The following IGSF3 variants were observed in gnomAD, a reference collection of about 807,000 sequenced individuals.
The protein encoded by IGSF3 is immunoglobulin superfamily member 3.
Under a neutral mutation model 114.4 loss-of-function variants are expected in IGSF3, and 23 were observed. The observed-to-expected ratio is 0.20, with a 90% CI of 0.14 to 0.28. IGSF3 has a LOEUF of 0.28. Among genes scored for constraint, IGSF3 ranks in the 10% least tolerant of loss-of-function variants. The pLI, the probability that IGSF3 is intolerant of heterozygous loss-of-function variation, is 1.00. For missense variants in IGSF3, 1,172 were observed against 1,591.5 expected (o/e 0.74, Z 4.48); for synonymous variants, 571 against 645.2 (o/e 0.88, Z 1.74).
At position 116,612,626 on chromosome 1, in the gene IGSF3, CAGGTCCTGACGA is replaced by C. The variant is rs1661065853; in HGVS notation, c.832+1127_832+1138del. ...CAAATGGAACAGGGAGCCCAAGAGA[CAGGTCCTGACGA>C]AGGACCCCACCTGTACTGCAACTCA... On this transcript the variant is annotated intron_variant, in intron 4 of 10. Coordinates refer to ENST00000369486, the MANE Select transcript of IGSF3 (RefSeq NM_001007237.3). This position sits in a 1 kb window ranked among gnomAD's most constrained non-coding sequence, Gnocchi z 4.1. Among the ~76,000 whole-genome samples the C allele has an allele frequency of 6.6e-6, 1 of 152,364 alleles. No individual in the cohort carries two copies. Among genetic ancestry groups the C allele is most frequent in the African/African-American group, 2.4e-5 (1 of 41,580 alleles).
rs1165313452 is a variant in IGSF3, at chr1:116,618,188, C to A, written c.44-1731G>T. Among the ~76,000 whole-genome samples the A allele has an allele frequency of 6.6e-6, 1 of 152,200 alleles. No individual in the cohort carries two copies. Among genetic ancestry groups the A allele is most frequent in the Admixed American group, 6.5e-5 (1 of 15,284 alleles). On this transcript the variant is annotated intron_variant, in intron 2 of 10. Coordinates refer to ENST00000369486, the MANE Select transcript of IGSF3 (RefSeq NM_001007237.3). This position sits in a 1 kb window ranked among gnomAD's most constrained non-coding sequence, Gnocchi z 4.7. ...CTTTCCTCACAAACAAAATCTTACA[C>A]AGAACCCCATCTTGGCTTCAGCAGA...
chr1:116,589,878 A>C lies in IGSF3; in HGVS notation c.2030-774T>G, dbSNP rs1660024020. ...GGGGATGCCCTGAAGAGTAAGCCGG[A>C]GTCCCAGCCCTCATGGGGTGGACTG... On this transcript the variant is annotated intron_variant, in intron 7 of 10. Transcript: ENST00000369486. The surrounding 1 kb of genome is among the most constrained non-coding windows in gnomAD (Gnocchi z 5.7). Among the ~76,000 whole-genome samples the C allele has an allele frequency of 6.6e-6, 1 of 152,170 alleles. No individual in the cohort carries two copies. Among genetic ancestry groups the C allele is most frequent in the Non-Finnish European group, 1.5e-5 (1 of 68,034 alleles).
chr1:116,623,877 G>A (rs1263541340), intron 2 of IGSF3, among the ~76,000 whole-genome samples: 1 of 151,096 alleles, frequency 6.6e-6, no homozygotes, highest in Non-Finnish European at 1.5e-5. Context: ...CCTGAGGTCA[G>A]GAGTTCGAGA....
In IGSF3 at chr1:116,618,473, T is replaced by C. The variant is rs1285436274; in HGVS notation, c.44-2016A>G. On this transcript the variant is annotated intron_variant, in intron 2 of 10. Coordinates refer to ENST00000369486, the MANE Select transcript of IGSF3 (RefSeq NM_001007237.3). The surrounding 1 kb of genome is among the most constrained non-coding windows in gnomAD (Gnocchi z 4.7). ...CTGTAAGATTATAATGGAGCATATA[T>C]AGAGATCTAATATATGGCACTTAAT... Among the ~76,000 whole-genome samples, 2 of 152,212 alleles carry C rather than the reference T, an allele frequency of 1.3e-5. No individual in the cohort carries two copies. Among genetic ancestry groups the C allele is most frequent in the Admixed American group, 1.3e-4 (2 of 15,282 alleles).
intron 2 of IGSF3, among the ~76,000 whole-genome samples, chr1:116,645,309 T>C (rs1417783065): frequency 6.6e-6 from 1 of 152,122 alleles, no homozygotes; most frequent in Non-Finnish European, 1.5e-5. Flanking sequence ...AGTGCAAAAC[T>C]GTAGTGGCAG....
Position 116,577,513 on chromosome 1 carries a change from G to A in IGSF3, c.3384C>T (p.Phe1128=), listed in dbSNP as rs771946733. 4.3e-5 allele frequency: 69 copies of A among 1,613,946 alleles called. No homozygotes were observed. Among genetic ancestry groups the A allele is most frequent in the African/African-American group, 6.7e-5 (5 of 74,910 alleles). ...AGATGGGGAAAGGGTAGAAGAAGAC[G>A]AAGTAGAAGAGTGCGTCGTTGGAGC... The part of the protein sequence containing the change: ...IICSNDALFY[F]VFFYPFPIFG... The change falls in exon 11 of 11, where the codon TTC becomes TTT. Residue 1128 remains phenylalanine (F), a synonymous_variant. Coordinates refer to ENST00000369486, the MANE Select transcript of IGSF3 (RefSeq NM_001007237.3). The surrounding 1 kb of genome is among the most constrained non-coding windows in gnomAD (Gnocchi z 5.7).
chr1:116,627,604 G>A lies in IGSF3; in HGVS notation c.44-11147C>T, dbSNP rs1026129988. Among the ~76,000 whole-genome samples, 15 of 152,222 alleles carry A rather than the reference G, an allele frequency of 9.9e-5. No individual in the cohort carries two copies. The highest frequency in any genetic ancestry group is 2.2e-4 in the African/African-American group (9 of 41,460). On this transcript the variant is annotated intron_variant, in intron 2 of 10. Transcript: ENST00000369486. The surrounding 1 kb of genome is among the most constrained non-coding windows in gnomAD (Gnocchi z 4.7). Reference sequence around the variant, plus strand: ...GCCCTGCTGACAACAGGCCGGGAGCGCATCTGCAGGCAGCGTCAGGATGTC... The same window carrying A: ...GCCCTGCTGACAACAGGCCGGGAGCACATCTGCAGGCAGCGTCAGGATGTC...
At position 116,614,263 on chromosome 1, in the gene IGSF3, C is replaced by A. The variant is rs1406119685; in HGVS notation, c.422-88G>T. The stretch of plus-strand genomic sequence containing the variant: ...CTAAGCTCCCATTCCACGCAGGCGT[C>A]ACTGCACTGCGCCCCTAACAGTCAT... On this transcript the variant is annotated intron_variant, in intron 3 of 10. Coordinates refer to ENST00000369486, the MANE Select transcript of IGSF3 (RefSeq NM_001007237.3). The surrounding 1 kb of genome is among the most constrained non-coding windows in gnomAD (Gnocchi z 4.5). The A allele has an allele frequency of 2.5e-5, 26 of 1,043,716 alleles. No individual in the cohort carries two copies. Among genetic ancestry groups the A allele is most frequent in the Non-Finnish European group, 3.3e-5 (23 of 689,186 alleles). 64.7% of individuals were successfully genotyped at this position (1,043,716 alleles called of 1,614,324 possible). A position where few individuals can be genotyped will look rare whatever the true frequency, so the allele number is the denominator to read the frequency against.
chr1:116,592,463 A>G lies in IGSF3; in HGVS notation c.2030-3359T>C, dbSNP rs1660156146. On this transcript the variant is annotated intron_variant, in intron 7 of 10. Coordinates refer to ENST00000369486, the MANE Select transcript of IGSF3 (RefSeq NM_001007237.3). The surrounding 1 kb of genome is among the most constrained non-coding windows in gnomAD (Gnocchi z 4.5). The stretch of plus-strand genomic sequence containing the variant: ...AGTGGCCCTTTCTTTCTGCAACTGG[A>G]GAGTTTCCTTCCCAGGCTTGTGATT... Among the ~76,000 whole-genome samples, 3 of 152,152 alleles carry G rather than the reference A, an allele frequency of 2.0e-5. No homozygotes were observed. Among genetic ancestry groups the G allele is most frequent in the African/African-American group, 7.2e-5 (3 of 41,434 alleles).
rs889698004 is a variant in IGSF3, at chr1:116,650,591, G to A, written c.43+15693C>T. Among the ~76,000 whole-genome samples, 2 of 152,068 alleles carry A rather than the reference G, an allele frequency of 1.3e-5. No individual in the cohort carries two copies. The highest frequency in any genetic ancestry group is 4.8e-5 in the African/African-American group (2 of 41,402). On this transcript the variant is annotated intron_variant, in intron 2 of 10. Coordinates refer to ENST00000369486, the MANE Select transcript of IGSF3 (RefSeq NM_001007237.3). This position sits in a 1 kb window ranked among gnomAD's most constrained non-coding sequence, Gnocchi z 5.0. Reference sequence around the variant, plus strand: ...GAGAGGTGTGGCATCCAACCCAACTGGGTCCTGCCAACAGGAAGAGAAAAG... The same window carrying A: ...GAGAGGTGTGGCATCCAACCCAACTAGGTCCTGCCAACAGGAAGAGAAAAG...
Position 116,585,933 on chromosome 1 carries a change from T to C in IGSF3, c.2441-881A>G, listed in dbSNP as rs964994404. 2.0e-5 allele frequency among the ~76,000 whole-genome samples: 3 copies of C among 152,168 alleles called. No homozygotes were observed. Among genetic ancestry groups the C allele is most frequent in the Admixed American group, 6.5e-5 (1 of 15,276 alleles). ...AAGAAAAAGAAAAGATTGCTACTGA[T>C]GGAACTGGGTGCTTTGAAAACTCAG... On this transcript the variant is annotated intron_variant, in intron 8 of 10. Transcript: ENST00000369486. The surrounding 1 kb of genome is among the most constrained non-coding windows in gnomAD (Gnocchi z 4.9).
At chr1:116,586,475 G>C (rs1422713653) in intron 8 of IGSF3, among the ~76,000 whole-genome samples, 3 of 152,078 alleles carry the variant, frequency 2.0e-5, no homozygotes, top group African/African-American at 7.2e-5. Flanking sequence ...TAGAAGCAGA[G>C]AAAAAAGAAG....
intron 2 of IGSF3, among the ~76,000 whole-genome samples, chr1:116,630,440 T>A (rs1288810328): frequency 6.6e-6 from 1 of 152,234 alleles, no homozygotes; most frequent in Non-Finnish European, 1.5e-5. Context: ...CTTCTTACTT[T>A]AATCTCACAG....
At position 116,665,122 on chromosome 1, in the gene IGSF3, A is replaced by G. The variant is rs1275801077; in HGVS notation, c.43+1162T>C. Among the ~76,000 whole-genome samples, 1 of 152,126 alleles carries G rather than the reference A, an allele frequency of 6.6e-6. No individual in the cohort carries two copies. The highest frequency in any genetic ancestry group is 1.5e-5 in the Non-Finnish European group (1 of 68,032). ...TCCCTTGTTTTATTGTTTCTGTTTT[A>G]TTGACATTCAGATGTCAATCATGGT... On this transcript the variant is annotated intron_variant, in intron 2 of 10. Coordinates refer to ENST00000369486, the MANE Select transcript of IGSF3 (RefSeq NM_001007237.3). This position sits in a 1 kb window ranked among gnomAD's most constrained non-coding sequence, Gnocchi z 4.0.
chr1:116,605,963 T>G lies in IGSF3; in HGVS notation c.1223-1938A>C, dbSNP rs973355057. Among the ~76,000 whole-genome samples the G allele has an allele frequency of 1.3e-5, 2 of 152,198 alleles. No individual in the cohort carries two copies. Among genetic ancestry groups the G allele is most frequent in the African/African-American group, 4.8e-5 (2 of 41,454 alleles). ...TGAGCAAGCCTGGAAACCCACATAG[T>G]TAGAATGTGGGGCTACAAGAAGAAA... On this transcript the variant is annotated intron_variant, in intron 5 of 10. Coordinates refer to ENST00000369486, the MANE Select transcript of IGSF3 (RefSeq NM_001007237.3). This position sits in a 1 kb window ranked among gnomAD's most constrained non-coding sequence, Gnocchi z 5.1.
rs1648762630 is a variant in IGSF3, at chr1:116,654,461, A to T, written c.43+11823T>A. On this transcript the variant is annotated intron_variant, in intron 2 of 10. Coordinates refer to ENST00000369486, the MANE Select transcript of IGSF3 (RefSeq NM_001007237.3). The surrounding 1 kb of genome is among the most constrained non-coding windows in gnomAD (Gnocchi z 4.4). ...GGAGAGGGCATCTGGCAAGGAACAG[A>T]CCTGGAAGAGCCTGCCCTTCATCGA... is the stretch of plus-strand genomic sequence containing the variant. 1.3e-5 allele frequency among the ~76,000 whole-genome samples: 2 copies of T among 152,178 alleles called. No individual in the cohort carries two copies. Among genetic ancestry groups the T allele is most frequent in the Admixed American group, 1.3e-4 (2 of 15,290 alleles).
Position 116,627,775 on chromosome 1 carries a change from AAC to A in IGSF3, c.44-11320_44-11319del, listed in dbSNP as rs1386121194. Among the ~76,000 whole-genome samples, 1 of 152,150 alleles carries A rather than the reference AAC, an allele frequency of 6.6e-6. No homozygotes were observed. The highest frequency in any genetic ancestry group is 1.5e-5 in the Non-Finnish European group (1 of 68,010). ...GATAAGTCAGTCTGCTGTGTCCTTC[AAC>A]ACAGTGTCCCCACCTTCTGTCTCCC... On this transcript the variant is annotated intron_variant, in intron 2 of 10. Coordinates refer to ENST00000369486, the MANE Select transcript of IGSF3 (RefSeq NM_001007237.3). This position sits in a 1 kb window ranked among gnomAD's most constrained non-coding sequence, Gnocchi z 4.7.
rs1405239152 is a variant in IGSF3 at position 116,589,691 on chromosome 1, C to T, written c.2030-587G>A. Among the ~76,000 whole-genome samples the T allele has an allele frequency of 2.0e-5, 3 of 152,132 alleles. No homozygotes were observed. Among genetic ancestry groups the T allele is most frequent in the Admixed American group, 1.3e-4 (2 of 15,280 alleles). On this transcript the variant is annotated intron_variant, in intron 7 of 10. Coordinates refer to ENST00000369486, the MANE Select transcript of IGSF3 (RefSeq NM_001007237.3). The surrounding 1 kb of genome is among the most constrained non-coding windows in gnomAD (Gnocchi z 5.7). ...ATTCCCGTCCCCCTGGGCTCCATAC[C>T]CTTCCTCAGCACCCTCTATATATCT... is the stretch of plus-strand genomic sequence containing the variant.
At chr1:116,602,042 ATG>A (rs1457805926) in intron 6 of IGSF3, among the ~76,000 whole-genome samples, 9 of 152,366 alleles carry the variant, frequency 5.9e-5, no homozygotes, top group Admixed American at 5.9e-4. Flanking sequence ...ATGAAAATTC[ATG>A]TGTGTCATTG....
Sources: allele counts gnomAD v4.1 joint callset (sites outside exome capture counted in the v4.1 genomes callset), GRCh38; gene constraint gnomAD v4.1.1; non-coding constraint Gnocchi (gnomAD v3.1); transcripts MANE v1.5; gene names NCBI Gene and HGNC (gene_info 2026-07-23, HGNC 2026-07-21).